Variants in CXCL12 observed in about 807,000 individuals in gnomAD.
CXCL12 encodes the protein stromal cell-derived factor 1.
CXCL12 carries 4 observed loss-of-function variants against 10.7 expected under a neutral mutation model. That is an observed-to-expected ratio of 0.37 (90% CI 0.18 to 0.86). CXCL12 has a LOEUF of 0.86. Among genes scored for constraint, CXCL12 ranks in the 40% least tolerant of loss-of-function variants. The pLI is 0.43. For missense variants in CXCL12, 122 were observed against 110.4 expected (o/e 1.10, Z -0.47); for synonymous variants, 54 against 45.4 (o/e 1.19, Z -0.77).
chr10:44,379,224 G>A (rs1374108339), intron 2 of CXCL12, among the ~76,000 whole-genome samples: 1 of 152,020 alleles, frequency 6.6e-6, no homozygotes, highest in Non-Finnish European at 1.5e-5. Context: ...GAAGCCTGGA[G>A]GAAGGAGGCC....
intron 1 of CXCL12, 84 bp downstream of exon 1, chr10:44,384,861 C>T: frequency 8.7e-6 from 12 of 1,374,464 alleles, no homozygotes; most frequent in Non-Finnish European, 1.1e-5. Context: ...AAACTGCGGG[C>T]GCAGGCAGAG....
chr10:44,380,434 C>G lies in CXCL12; in HGVS notation c.179+329G>C, dbSNP rs2839688. ...ATCACTGTTATTAGCTAAGGGCTGG[C>G]TAATTTACTAGGCTTCAGCCAAAAC... On this transcript the variant is annotated intron_variant, in intron 2 of 2. Transcript: ENST00000343575. 31,612 of 261,438 alleles carry G rather than the reference C, an allele frequency of 0.12. 2,052 individuals carry two copies. The highest frequency in any genetic ancestry group is 0.15 in the East Asian group (1,981 of 13,040). The allele number at this position is 261,438 out of a possible 1,614,324, so 16.2% of individuals were successfully genotyped here. A position where few individuals can be genotyped will look rare whatever the true frequency, so the allele number is the denominator to read the frequency against.
Position 44,377,711 on chromosome 10 carries a change from T to G in CXCL12, c.*922A>C. Reference sequence around the variant, plus strand: ...TCAGATTTAAAATTGCATTTGATTCTGTAAAGACTTGTCTTTTGCGGGTAA... The same window carrying G: ...TCAGATTTAAAATTGCATTTGATTCGGTAAAGACTTGTCTTTTGCGGGTAA... On this transcript the variant is annotated 3_prime_UTR_variant, in exon 3 of 3. Transcript: ENST00000343575. 1 of 1,597,918 alleles carries G rather than the reference T, an allele frequency of 6.3e-7. No individual in the cohort carries two copies. The highest frequency in any genetic ancestry group is 8.5e-7 in the Non-Finnish European group (1 of 1,179,666).
chr10:44,374,779 AT>A (rs1431974426), downstream of CXCL12: 1 of 425,462 alleles, frequency 2.4e-6, no homozygotes, highest in Non-Finnish European at 4.8e-6. Flanking sequence ...TATTAAAATT[AT>A]GACCCAGGAT....
At chr10:44,370,392 C>A (rs966365706) in exon 4 of CXCL12, 11 of 152,618 alleles carry the variant, frequency 7.2e-5, no homozygotes, top group African/African-American at 2.7e-4. Context: ...AACACTGAAT[C>A]ATTCACTGCT....
chr10:44,376,871 ATAT>A (rs1198218307), downstream of CXCL12, among the ~76,000 whole-genome samples: 1 of 151,884 alleles, frequency 6.6e-6, no homozygotes, highest in African/African-American at 2.4e-5. Context: ...AGTGAGTCAA[ATAT>A]TATTCTTCAG....
At chr10:44,370,393 A>C (rs1804429) in exon 4 of CXCL12, 6,950 of 152,736 alleles carry the variant, frequency 0.046, 185 homozygotes, top group African/African-American at 0.075. Flanking sequence ...ACACTGAATC[A>C]TTCACTGCTC....
rs558304241 is a variant in CXCL12 at position 44,383,602 on chromosome 10, T to G, written c.61+1343A>C. ...CAATAAAAACTAGAAACATGCCCCATGACTTGCGGGGGGGGGGGGGGGTCA... is the reference window on the plus strand; with the variant it reads ...CAATAAAAACTAGAAACATGCCCCAGGACTTGCGGGGGGGGGGGGGGGTCA... On this transcript the variant is annotated intron_variant, in intron 1 of 2. Transcript: ENST00000343575. 5.5e-4 allele frequency among the ~76,000 whole-genome samples: 12 copies of G among 21,732 alleles called. No individual in the cohort carries two copies. The South Asian group carries it at 0.035, about 63-fold the overall frequency. 14.3% of individuals were successfully genotyped at this position (21,732 alleles called of 152,430 possible).
At chr10:44,372,148 G>C (rs1464341986), downstream of CXCL12, 1 of 152,264 alleles carries the variant, frequency 6.6e-6, no homozygotes, top group Non-Finnish European at 1.5e-5. Flanking sequence ...TGGTTATTTT[G>C]TGGACTGGGT....
At chr10:44,383,173 T>C (rs755187609) in intron 1 of CXCL12, among the ~76,000 whole-genome samples, 2 of 152,136 alleles carry the variant, frequency 1.3e-5, no homozygotes, top group Non-Finnish European at 2.9e-5. Context: ...GTAGTGCAGC[T>C]TGAGGACTAA....
downstream of CXCL12, chr10:44,374,730 C>CAT: frequency 2.2e-6 from 1 of 453,290 alleles, no homozygotes; most frequent in Non-Finnish European, 4.4e-6. Context: ...TCCTGAATTC[C>CAT]ATGTGCTCCA....
chr10:44,373,228 G>A (rs1839360171), downstream of CXCL12: 1 of 1,559,432 alleles, frequency 6.4e-7, no homozygotes, highest in South Asian at 1.2e-5. Flanking sequence ...GGCAATGCCT[G>A]GGGCCCTGCC....
downstream of CXCL12, chr10:44,371,299 A>C (rs1588892194): frequency 6.8e-6 from 3 of 441,928 alleles, no homozygotes; most frequent in East Asian, 1.9e-4. Context: ...ATTTAGGGTC[A>C]TGTTTGTTTC....
chr10:44,380,170 T>G (rs1362293480), intron 2 of CXCL12, among the ~76,000 whole-genome samples: 1 of 152,218 alleles, frequency 6.6e-6, no homozygotes, highest in Non-Finnish European at 1.5e-5. Context: ...CCAGCTGAGA[T>G]CTTCCTGTCT....
At chr10:44,371,489 A>AT (rs1200858069), downstream of CXCL12, 4 of 247,762 alleles carry the variant, frequency 1.6e-5, no homozygotes, top group African/African-American at 9.4e-5. Context: ...CTGTATCTTT[A>AT]TAACTAGTAA....
Position 44,377,956 on chromosome 10 carries a change from G to A in CXCL12, c.*677C>T. On this transcript the variant is annotated 3_prime_UTR_variant, in exon 3 of 3. Coordinates refer to ENST00000343575, the MANE Select transcript of CXCL12 (RefSeq NM_199168.4). ...GATTAAGCATGCTCTCGGAGTCGGG[G>A]AGAGAGTAGGAATAGCTGGGAGAGG... The A allele has an allele frequency of 1.3e-6, 2 of 1,527,376 alleles. No individual in the cohort carries two copies. The highest frequency in any genetic ancestry group is 1.7e-6 in the Non-Finnish European group (2 of 1,145,532). The allele number at this position is 1,527,376 out of a possible 1,614,324, so 94.6% of individuals were successfully genotyped here.
At chr10:44,372,741 T>A, downstream of CXCL12, 5 of 1,434,196 alleles carry the variant, frequency 3.5e-6, no homozygotes, top group South Asian at 7.5e-5. Context: ...TGGGTCTCAC[T>A]CTGCCCTGGC....
chr10:44,383,953 T>C (rs1839716107), intron 1 of CXCL12, among the ~76,000 whole-genome samples: 1 of 152,198 alleles, frequency 6.6e-6, no homozygotes, highest in African/African-American at 2.4e-5. Flanking sequence ...CCACAGGGTT[T>C]TGTTTTGTGT....
At chr10:44,372,571 A>G, downstream of CXCL12, 2 of 1,080,254 alleles carry the variant, frequency 1.9e-6, no homozygotes, top group African/African-American at 1.6e-5. Flanking sequence ...GTAACACAAG[A>G]CATTTTCATT....
Sources: gnomAD v4.1 joint callset for allele counts (sites outside exome capture counted in the v4.1 genomes callset) on GRCh38, gnomAD v4.1.1 for gene constraint, MANE v1.5 for transcripts, NCBI Gene and HGNC (gene_info 2026-07-23, HGNC 2026-07-21) for gene names.